DLG2: variants seen among roughly 807,000 people sequenced by gnomAD.
DLG2 encodes the protein discs large MAGUK scaffold protein 2.
DLG2 carries 45 observed loss-of-function variants against 132.5 expected under a neutral mutation model. The observed-to-expected ratio is 0.34, with a 90% CI of 0.27 to 0.44. The LOEUF (loss-of-function observed/expected upper bound fraction) is 0.44. Among genes scored for constraint, DLG2 ranks in the 20% least tolerant of loss-of-function variants. DLG2 has a pLI of 1.00. For synonymous variants in DLG2, 424 were observed against 419.6 expected, an observed-to-expected ratio of 1.01 and a Z score of -0.13; for missense variants, 1,045 against 1,196.9, an observed-to-expected ratio of 0.87 and a Z score of 1.87.
chr11:84,963,075 T>C (rs1184193449), intron 6 of DLG2, among the ~76,000 whole-genome samples: 3 of 152,176 alleles, frequency 2.0e-5, no homozygotes, highest in Non-Finnish European at 2.9e-5. Flanking sequence ...TAGAAGAGCA[T>C]TGCAGGACCA....
At chr11:85,270,149 T>A (rs898332292) in intron 4 of DLG2, among the ~76,000 whole-genome samples, 4 of 152,282 alleles carry the variant, frequency 2.6e-5, no homozygotes, top group Admixed American at 2.6e-4. Flanking sequence ...CATCTTGAAT[T>A]GTAACTCCCA....
intron 6 of DLG2, among the ~76,000 whole-genome samples, chr11:84,826,910 G>T (rs935872934): frequency 2.6e-5 from 4 of 151,768 alleles, no homozygotes; most frequent in Non-Finnish European, 5.9e-5. Context: ...ATATGGTAAA[G>T]TCTAAGCCTG....
intron 3 of DLG2, among the ~76,000 whole-genome samples, chr11:85,338,521 G>A (rs1452753477): frequency 6.6e-6 from 1 of 151,838 alleles, no homozygotes; most frequent in Non-Finnish European, 1.5e-5. Context: ...TCTATATCCT[G>A]GTTAGTGTTG....
chr11:85,607,927 G>T (rs1591266818), intron 2 of DLG2, among the ~76,000 whole-genome samples: 1 of 152,124 alleles, frequency 6.6e-6, no homozygotes, highest in Admixed American at 6.5e-5. Flanking sequence ...GAATGCTTAG[G>T]ACTCTAACAA....
chr11:83,858,001 C>T (rs148893206), intron 16 of DLG2, among the ~76,000 whole-genome samples: 66 of 152,176 alleles, frequency 4.3e-4, no homozygotes, highest in African/African-American at 1.2e-3. Context: ...AATCTCAGTG[C>T]GAACAAGTTG....
At chr11:84,615,788 T>TA (rs1652420094) in intron 6 of DLG2, among the ~76,000 whole-genome samples, 1 of 102,012 alleles carries the variant, frequency 9.8e-6, no homozygotes, top group Non-Finnish European at 1.9e-5. Flanking sequence ...TTAAAATCCC[T>TA]ACTCAGAGAA....
rs905765822 is a variant in DLG2, at chr11:85,464,885, C to A, written c.40+133772G>T. ...GCCAGGAGTTTGAGACCAGCCTGGCCAACATGGTGACACCCCGTCTCTACT... is the reference window on the plus strand; with the variant it reads ...GCCAGGAGTTTGAGACCAGCCTGGCAAACATGGTGACACCCCGTCTCTACT... On this transcript the variant is annotated intron_variant, in intron 3 of 27. Transcript: ENST00000376104. Among the ~76,000 whole-genome samples the A allele has an allele frequency of 7.9e-5, 12 of 150,984 alleles. No homozygotes were observed. The East Asian group carries it at 2.3e-3, about 30-fold the overall frequency.
At chr11:84,866,831 A>G (rs866252111) in intron 6 of DLG2, among the ~76,000 whole-genome samples, 5 of 152,342 alleles carry the variant, frequency 3.3e-5, no homozygotes, top group East Asian at 3.9e-4. Flanking sequence ...TGAAATGTCT[A>G]AAGTGATAGC....
chr11:85,302,836 G>C (rs1040942105), intron 3 of DLG2, among the ~76,000 whole-genome samples: 9 of 151,134 alleles, frequency 6.0e-5, no homozygotes, highest in Admixed American at 5.3e-4. Context: ...TCATAATAAA[G>C]GCTTACTTTT....
intron 18 of DLG2, among the ~76,000 whole-genome samples, chr11:83,772,001 T>A (rs902176731): frequency 6.6e-6 from 1 of 152,190 alleles, no homozygotes; most frequent in Non-Finnish European, 1.5e-5. Flanking sequence ...GTTCCATTTT[T>A]TTTTCTAGAA....
At chr11:85,110,574 T>C (rs1233149891) in intron 6 of DLG2, among the ~76,000 whole-genome samples, 1 of 152,098 alleles carries the variant, frequency 6.6e-6, no homozygotes, top group African/African-American at 2.4e-5. Flanking sequence ...ACTGCAGGAA[T>C]ACCTCCAAAA....
intron 18 of DLG2, among the ~76,000 whole-genome samples, chr11:83,680,808 T>C (rs541908119): frequency 1.3e-5 from 2 of 152,272 alleles, no homozygotes; most frequent in African/African-American, 4.8e-5. Context: ...ATAACTTTAT[T>C]GGAAGTGTGG....
intron 21 of DLG2, among the ~76,000 whole-genome samples, chr11:83,514,009 CG>C (rs2095178695): frequency 6.6e-6 from 1 of 152,012 alleles, no homozygotes; most frequent in African/African-American, 2.4e-5. Context: ...CTTGGCAATG[CG>C]GGCTCTTTTT....
chr11:83,620,561 G>A (rs2061462789), intron 19 of DLG2, among the ~76,000 whole-genome samples: 1 of 152,062 alleles, frequency 6.6e-6, no homozygotes, highest in Admixed American at 6.5e-5. Context: ...AAATCTAAAA[G>A]ACGTCTTTCT....
At chr11:84,568,954 A>G (rs1490673951) in intron 6 of DLG2, among the ~76,000 whole-genome samples, 1 of 152,182 alleles carries the variant, frequency 6.6e-6, no homozygotes, top group Admixed American at 6.5e-5. Flanking sequence ...CCCTAACTTT[A>G]TAGCCTAGCC....
intron 8 of DLG2, among the ~76,000 whole-genome samples, chr11:84,223,799 T>C (rs2096950857): frequency 6.6e-6 from 1 of 152,166 alleles, no homozygotes; most frequent in Admixed American, 6.5e-5. Flanking sequence ...TCAGGTGATC[T>C]GGCCCCTCAG....
At chr11:84,240,449 G>T (rs2097211623) in intron 8 of DLG2, among the ~76,000 whole-genome samples, 4 of 152,150 alleles carry the variant, frequency 2.6e-5, no homozygotes, top group Admixed American at 2.6e-4. Context: ...GAGGGAAAAG[G>T]GTCAGAGAAG....
chr11:84,400,625 CA>C (rs1035944128), intron 7 of DLG2, among the ~76,000 whole-genome samples: 1 of 152,112 alleles, frequency 6.6e-6, no homozygotes, highest in African/African-American at 2.4e-5. Context: ...GCTTTATCAC[CA>C]AAAGTGCAGA....
At chr11:84,830,804 T>G (rs551406078) in intron 6 of DLG2, among the ~76,000 whole-genome samples, 1 of 151,546 alleles carries the variant, frequency 6.6e-6, no homozygotes, top group Non-Finnish European at 1.5e-5. Flanking sequence ...TACTTTTCAA[T>G]GTATAAGATA....
Sources: gnomAD v4.1 joint callset for allele counts (sites outside exome capture counted in the v4.1 genomes callset) on GRCh38, gnomAD v4.1.1 for gene constraint, MANE v1.5 for transcripts, NCBI Gene and HGNC (gene_info 2026-07-23, HGNC 2026-07-21) for gene names.